TINAG: variants seen among roughly 807,000 people sequenced by gnomAD.
The protein encoded by TINAG is tubulointerstitial nephritis antigen.
TINAG carries 83 observed loss-of-function variants against 72.7 expected under a neutral mutation model. The observed-to-expected ratio is 1.14, with a 90% confidence interval of 0.96 to 1.37. The LOEUF (loss-of-function observed/expected upper bound fraction) is 1.37. Among genes scored for constraint, TINAG ranks in the 40% most tolerant of loss-of-function variants. The pLI is 0.00. For missense variants in TINAG, 685 were observed against 576.6 expected, an observed-to-expected ratio of 1.19 and a Z score of -1.93; for synonymous variants, 234 against 189.9, an observed-to-expected ratio of 1.23 and a Z score of -1.91.
intron 9 of TINAG, among the ~76,000 whole-genome samples, chr6:54,374,227 A>C (rs1299440391): frequency 6.6e-6 from 1 of 152,168 alleles, no homozygotes; most frequent in Non-Finnish European, 1.5e-5. Context: ...TTAGGTACAC[A>C]GGATCATGTG....
intron 6 of TINAG, among the ~76,000 whole-genome samples, chr6:54,347,830 A>G (rs1254298305): frequency 1.3e-5 from 2 of 152,126 alleles, no homozygotes; most frequent in Non-Finnish European, 2.9e-5. Context: ...GCAGAATAAA[A>G]TAATCAGGGT....
chr6:54,332,156 C>T (rs546084778), intron 4 of TINAG, among the ~76,000 whole-genome samples: 3 of 152,066 alleles, frequency 2.0e-5, no homozygotes, highest in Non-Finnish European at 2.9e-5. Context: ...TCCCATATAG[C>T]CAAGACAATC....
intron 9 of TINAG, among the ~76,000 whole-genome samples, chr6:54,374,054 G>C (rs1041935269): frequency 2.6e-5 from 4 of 152,096 alleles, no homozygotes; most frequent in African/African-American, 9.7e-5. Context: ...AGGTCATTCT[G>C]ACCAGAGTAT....
At chr6:54,354,174 AG>A (rs1785334205) in intron 8 of TINAG, among the ~76,000 whole-genome samples, 1 of 151,912 alleles carries the variant, frequency 6.6e-6, no homozygotes, top group African/African-American at 2.4e-5. Context: ...GTAAAGCACA[AG>A]GTTAGTGGAG....
intron 9 of TINAG, among the ~76,000 whole-genome samples, chr6:54,363,594 G>A (rs570014082): frequency 4.2e-5 from 6 of 142,946 alleles, no homozygotes; most frequent in Non-Finnish European, 9.1e-5. Flanking sequence ...AGATGTTTTT[G>A]AGACAAAAAA....
intron 1 of TINAG, among the ~76,000 whole-genome samples, chr6:54,317,836 G>A (rs1369024333): frequency 6.6e-6 from 1 of 151,926 alleles, no homozygotes; most frequent in African/African-American, 2.4e-5. Flanking sequence ...CATTCCTACA[G>A]GATGTCAGCT....
intron 4 of TINAG, among the ~76,000 whole-genome samples, chr6:54,336,010 TCA>T (rs1036725220): frequency 4.6e-5 from 7 of 152,098 alleles, no homozygotes; most frequent in African/African-American, 1.4e-4. Flanking sequence ...AAGCCATGAG[TCA>T]TCCTGAATTC....
At chr6:54,351,763 G>A (rs1785271733) in intron 8 of TINAG, among the ~76,000 whole-genome samples, 1 of 151,818 alleles carries the variant, frequency 6.6e-6, no homozygotes, top group African/African-American at 2.4e-5. Context: ...TCATATTTAA[G>A]AATCATACAT....
At chr6:54,316,544 G>T (rs1299362060) in intron 1 of TINAG, among the ~76,000 whole-genome samples, 1 of 152,162 alleles carries the variant, frequency 6.6e-6, no homozygotes, top group Non-Finnish European at 1.5e-5. Flanking sequence ...ACCCTGGGGG[G>T]TGGATTCCTG....
Position 54,343,258 on chromosome 6 carries a change from G to T in TINAG, c.657G>T (p.Glu219Asp). Residue 219 changes from glutamate to aspartate, a missense_variant, in exon 5 of 11, where the codon GAG becomes GAT. Transcript: ENST00000259782. Reference sequence around the variant, plus strand: ...TACCTGCAACAACTGATCTTCCAGAGTTTTTTGTTGCTTCTTATAAATGGC... The same window carrying T: ...TACCTGCAACAACTGATCTTCCAGATTTTTTTGTTGCTTCTTATAAATGGC... ...ASLPATTDLP[E>D]FFVASYKWPG... 6.3e-7 allele frequency: 1 copy of T among 1,582,244 alleles called. No individual in the cohort carries two copies. Among genetic ancestry groups the T allele is most frequent in the Non-Finnish European group, 8.6e-7 (1 of 1,162,312 alleles).
At chr6:54,361,674 G>T (rs1219488301) in intron 9 of TINAG, among the ~76,000 whole-genome samples, 1 of 151,628 alleles carries the variant, frequency 6.6e-6, no homozygotes, top group Non-Finnish European at 1.5e-5. Flanking sequence ...TCAAAAGCTA[G>T]AAATGATTAA....
intron 3 of TINAG, among the ~76,000 whole-genome samples, chr6:54,324,799 T>C (rs1210813361): frequency 1.3e-5 from 2 of 152,208 alleles, no homozygotes; most frequent in African/African-American, 2.4e-5. Context: ...TTCTAGACTA[T>C]ATTCTAATGC....
At chr6:54,344,126 G>T (rs1374699949) in intron 5 of TINAG, among the ~76,000 whole-genome samples, 1 of 152,162 alleles carries the variant, frequency 6.6e-6, no homozygotes, top group Non-Finnish European at 1.5e-5. Flanking sequence ...TCTAGAGTTT[G>T]CAGGTAATTT....
At chr6:54,371,980 T>C (rs1004368956) in intron 9 of TINAG, among the ~76,000 whole-genome samples, 2 of 117,952 alleles carry the variant, frequency 1.7e-5, no homozygotes, top group East Asian at 2.7e-4. Context: ...TTTCAAGTCA[T>C]GTTTTTTTTT....
intron 4 of TINAG, among the ~76,000 whole-genome samples, chr6:54,342,830 G>C (rs1785030675): frequency 6.6e-6 from 1 of 152,062 alleles, no homozygotes; most frequent in Non-Finnish European, 1.5e-5. Flanking sequence ...TTTCATCTCA[G>C]AATCACATAA....
chr6:54,336,645 T>C (rs1366513374), intron 4 of TINAG, among the ~76,000 whole-genome samples: 1 of 152,210 alleles, frequency 6.6e-6, no homozygotes, highest in African/African-American at 2.4e-5. Context: ...ATTTGTATGC[T>C]TGGCTCCATT....
intron 9 of TINAG, among the ~76,000 whole-genome samples, chr6:54,358,178 T>A (rs1439189593): frequency 2.6e-5 from 4 of 151,846 alleles, no homozygotes; most frequent in African/African-American, 9.7e-5. Flanking sequence ...TAATATGTCC[T>A]CCCTGGCTGC....
At chr6:54,380,976 A>C in intron 10 of TINAG, among the ~76,000 whole-genome samples, 1 of 142,736 alleles carries the variant, frequency 7.0e-6, no homozygotes, top group Admixed American at 6.9e-5. Context: ...GATATAACCT[A>C]TAGGATATAT....
intron 10 of TINAG, among the ~76,000 whole-genome samples, chr6:54,381,836 C>A (rs1287480544): frequency 6.6e-6 from 1 of 151,918 alleles, no homozygotes; most frequent in Non-Finnish European, 1.5e-5. Flanking sequence ...AAATCAAGTT[C>A]TTTGATTAAT....
Sources: gnomAD v4.1 joint callset for allele counts (sites outside exome capture counted in the v4.1 genomes callset) on GRCh38, gnomAD v4.1.1 for gene constraint, MANE v1.5 for transcripts, NCBI Gene and HGNC (gene_info 2026-07-23, HGNC 2026-07-21) for gene names.